The following GALNTL6 variants were observed in gnomAD, a reference collection of about 807,000 sequenced individuals.
GALNTL6 encodes polypeptide N-acetylgalactosaminyltransferase-like 6.
GALNTL6 carries 46 observed loss-of-function variants against 73.7 expected under a neutral mutation model. The observed-to-expected ratio is 0.62, with a 90% confidence interval of 0.49 to 0.80. GALNTL6 has a LOEUF of 0.80. Among genes scored for constraint, GALNTL6 ranks in the 30% least tolerant of loss-of-function variants. The pLI, the probability that GALNTL6 is intolerant of heterozygous loss-of-function variation, is 0.00. For synonymous variants in GALNTL6, 259 were observed against 263.7 expected (o/e 0.98, Z 0.17); for missense variants, 604 against 755.0 (o/e 0.80, Z 2.34).
At chr4:172,225,093 C>A (rs2110956821) in intron 2 of GALNTL6, among the ~76,000 whole-genome samples, 1 of 152,092 alleles carries the variant, frequency 6.6e-6, no homozygotes, top group South Asian at 2.1e-4. Flanking sequence ...CAAGAAGGTA[C>A]AATACTGTTT....
chr4:173,040,319 C>T lies in GALNTL6; in HGVS notation c.*219C>T, dbSNP rs1388022787. The stretch of plus-strand genomic sequence containing the variant: ...GCTGCTTCTGAGAACTCGAGACTAG[C>T]AGTTCCCTTGCTGGCCAAGGGCAAA... On this transcript the variant is annotated 3_prime_UTR_variant, in exon 13 of 13. Coordinates refer to ENST00000506823, the MANE Select transcript of GALNTL6 (RefSeq NM_001034845.3). The T allele has an allele frequency of 3.9e-6, 2 of 514,556 alleles. No homozygotes were observed. The highest frequency in any genetic ancestry group is 6.8e-6 in the Non-Finnish European group (2 of 293,826). The allele number at this position is 514,556 out of a possible 1,614,324, so 31.9% of individuals were successfully genotyped here.
rs143739842 is a variant in GALNTL6 at position 172,699,906 on chromosome 4, A to G, written c.554-109455A>G. Among the ~76,000 whole-genome samples the G allele has an allele frequency of 1.2e-3, 185 of 152,310 alleles. 1 individual carries two copies. The highest frequency in any genetic ancestry group is 4.1e-3 in the African/African-American group (172 of 41,576). On this transcript the variant is annotated intron_variant, in intron 5 of 12. Coordinates refer to ENST00000506823, the MANE Select transcript of GALNTL6 (RefSeq NM_001034845.3). ...CCAAATATCAATAAAGAAGCAGTTG[A>G]GGCCTGTAATAGGATGCAAGTATCT...
chr4:171,955,389 TA>T (rs1341992655), intron 2 of GALNTL6, among the ~76,000 whole-genome samples: 1 of 151,748 alleles, frequency 6.6e-6, no homozygotes, highest in East Asian at 1.9e-4. Context: ...TATCTATATA[TA>T]TATATGTTTA....
chr4:172,027,899 G>A (rs972206636), intron 2 of GALNTL6, among the ~76,000 whole-genome samples: 1 of 152,116 alleles, frequency 6.6e-6, no homozygotes, highest in Non-Finnish European at 1.5e-5. Flanking sequence ...GGAAGCTGCA[G>A]GACAAAAGTA....
chr4:172,943,980 AC>A (rs1190290514), intron 9 of GALNTL6, among the ~76,000 whole-genome samples: 2 of 152,208 alleles, frequency 1.3e-5, no homozygotes, highest in African/African-American at 4.8e-5. Context: ...TGCACCACAT[AC>A]AAAAATTAAT....
chr4:171,929,999 GA>G (rs1302728457), intron 2 of GALNTL6, among the ~76,000 whole-genome samples: 2 of 152,220 alleles, frequency 1.3e-5, no homozygotes, highest in Non-Finnish European at 2.9e-5. Flanking sequence ...CACTTGGCCT[GA>G]AAGCTGATTC....
At chr4:172,027,391 T>G (rs986689700) in intron 2 of GALNTL6, among the ~76,000 whole-genome samples, 1 of 152,168 alleles carries the variant, frequency 6.6e-6, no homozygotes, top group Non-Finnish European at 1.5e-5. Context: ...TATGGTGATC[T>G]GTGATCAGTG....
chr4:172,859,255 A>G (rs1744272346), intron 7 of GALNTL6, among the ~76,000 whole-genome samples: 1 of 152,176 alleles, frequency 6.6e-6, no homozygotes, highest in Admixed American at 6.5e-5. Context: ...TTGTTGAAGG[A>G]AAATTATTAT....
Position 172,301,844 on chromosome 4 carries a change from G to A in GALNTL6, c.248-9770G>A, listed in dbSNP as rs139554483. On this transcript the variant is annotated intron_variant, in intron 3 of 12. Transcript: ENST00000506823. ...ACCCACTTGAGGAGGCAGTCTGTCC[G>A]TTCTCAGATCTCCAGCTGCGTTGCT... 6.2e-3 allele frequency among the ~76,000 whole-genome samples: 938 copies of A among 152,284 alleles called. 12 individuals are homozygous for A. The highest frequency in any genetic ancestry group is 0.021 in the African/African-American group (852 of 41,560).
intron 2 of GALNTL6, among the ~76,000 whole-genome samples, chr4:171,939,093 G>GA (rs11393589): frequency 0.99 from 147,567 of 149,142 alleles, 73,009 homozygotes; most frequent in Non-Finnish European, 1. Flanking sequence ...ATTTAAAATG[G>GA]AAAAAAAAAA....
chr4:172,365,539 T>G (rs1252566154), intron 5 of GALNTL6, among the ~76,000 whole-genome samples: 2 of 152,098 alleles, frequency 1.3e-5, no homozygotes, highest in East Asian at 1.9e-4. Context: ...AAGAAATTAA[T>G]AAATCATAGA....
chr4:171,834,035 A>C (rs1034328424), intron 2 of GALNTL6, among the ~76,000 whole-genome samples: 3 of 151,822 alleles, frequency 2.0e-5, no homozygotes, highest in Non-Finnish European at 4.4e-5. Flanking sequence ...ATAAAAAAAA[A>C]GATTTCACTT....
chr4:172,397,238 C>T (rs965167998), intron 5 of GALNTL6, among the ~76,000 whole-genome samples: 2 of 152,100 alleles, frequency 1.3e-5, no homozygotes, highest in Non-Finnish European at 2.9e-5. Context: ...GGTATTAATG[C>T]TAATTCTTTC....
At chr4:171,867,195 C>A (rs1048502966) in intron 2 of GALNTL6, among the ~76,000 whole-genome samples, 2 of 152,082 alleles carry the variant, frequency 1.3e-5, no homozygotes, top group Non-Finnish European at 2.9e-5. Flanking sequence ...TGAGAGGCAA[C>A]ATTTTCCTGG....
intron 2 of GALNTL6, among the ~76,000 whole-genome samples, chr4:172,112,133 G>A (rs1732868581): frequency 6.6e-6 from 1 of 151,960 alleles, no homozygotes; most frequent in African/African-American, 2.4e-5. Context: ...TTTCCAAAAT[G>A]TCATATCCAT....
intron 2 of GALNTL6, among the ~76,000 whole-genome samples, chr4:172,136,942 C>G (rs1262663978): frequency 6.6e-6 from 1 of 152,004 alleles, no homozygotes; most frequent in Non-Finnish European, 1.5e-5. Flanking sequence ...CCTGCTTATT[C>G]TTACCTTTCC....
intron 2 of GALNTL6, among the ~76,000 whole-genome samples, chr4:171,958,225 T>C (rs757874015): frequency 2.0e-5 from 3 of 152,156 alleles, no homozygotes; most frequent in Non-Finnish European, 4.4e-5. Context: ...GAAAATATAA[T>C]CTTTTGTGTG....
intron 2 of GALNTL6, among the ~76,000 whole-genome samples, chr4:172,072,961 A>G (rs1731590053): frequency 6.6e-6 from 1 of 152,216 alleles, no homozygotes. Context: ...GTGGCCTACA[A>G]GACCCAACGT....
chr4:172,470,552 A>G (rs927929581), intron 5 of GALNTL6, among the ~76,000 whole-genome samples: 1 of 152,222 alleles, frequency 6.6e-6, no homozygotes, highest in Non-Finnish European at 1.5e-5. Flanking sequence ...TGGTAAGCAC[A>G]GTCTATAAGA....
Sources: allele counts gnomAD v4.1 joint callset (sites outside exome capture counted in the v4.1 genomes callset), GRCh38; gene constraint gnomAD v4.1.1; transcripts MANE v1.5; gene names NCBI Gene and HGNC (gene_info 2026-07-23, HGNC 2026-07-21).